The following C1orf87 variants were observed in gnomAD, a reference collection of about 807,000 sequenced individuals.
The protein encoded by C1orf87 is chromosome 1 open reading frame 87, also known as uncharacterized protein C1orf87.
A neutral mutation model predicts 60.5 loss-of-function variants in C1orf87; 58 were observed. That is an observed-to-expected ratio of 0.96 (90% CI 0.78 to 1.19). The LOEUF (loss-of-function observed/expected upper bound fraction) is 1.19, where lower values mean the gene tolerates loss of function less well. C1orf87 is among the 50% of genes most tolerant of loss of function. The pLI, the probability that C1orf87 is intolerant of heterozygous loss-of-function variation, is 0.00. For missense variants in C1orf87, 673 were observed against 638.6 expected (o/e 1.05, Z -0.58); for synonymous variants, 236 against 227.4 (o/e 1.04, Z -0.34).
rs1645321373 is a variant in C1orf87 at position 60,041,093 on chromosome 1, T to C, written c.381A>G (p.Pro127=). Residue 127 remains proline, a synonymous_variant, in exon 4 of 12, where the codon CCA becomes CCG. Coordinates refer to ENST00000371201, the MANE Select transcript of C1orf87 (RefSeq NM_152377.3). ...CATAGGATAAGGACTGGTCTCCGGT[T>C]GGTACAGAGCTGCAGTGGACATTTG... ...SQANVHCSSV[P]TGDQSLSYVH... is the part of the protein sequence containing the mutation. 6.2e-7 allele frequency: 1 copy of C among 1,611,840 alleles called. No homozygotes were observed. Among genetic ancestry groups the C allele is most frequent in the South Asian group, 1.1e-5 (1 of 90,872 alleles).
rs1194915910 is a variant in C1orf87, at chr1:60,046,441, TTC to T, written c.343-5312_343-5311del. On this transcript the variant is annotated intron_variant, in intron 3 of 11. Transcript: ENST00000371201. The stretch of plus-strand genomic sequence containing the variant: ...TCCCTTCCTCCTTCCTTCCTTCTTC[TTC>T]TTTTTTTTTTTTTTTTAATTTTTTC... Among the ~76,000 whole-genome samples, 104 of 71,850 alleles carry T rather than the reference TTC, an allele frequency of 1.4e-3. 1 individual carries two copies. The East Asian group carries it at 0.026, about 18-fold the overall frequency. 47.1% of individuals were successfully genotyped at this position (71,850 alleles called of 152,430 possible).
intron 9 of C1orf87, among the ~76,000 whole-genome samples, chr1:60,008,296 T>G (rs895519062): frequency 1.3e-5 from 2 of 152,094 alleles, no homozygotes; most frequent in African/African-American, 4.8e-5. Context: ...ATTTTAGATA[T>G]GAGAAAAATG....
intron 7 of C1orf87, among the ~76,000 whole-genome samples, chr1:60,028,624 G>A (rs1312173375): frequency 1.3e-5 from 2 of 152,054 alleles, no homozygotes; most frequent in African/African-American, 4.8e-5. Context: ...CTCCTTGAAA[G>A]ATCAGTGCAC....
chr1:60,068,637 CT>C (rs1210870634), intron 2 of C1orf87, among the ~76,000 whole-genome samples: 2 of 152,186 alleles, frequency 1.3e-5, no homozygotes, highest in Admixed American at 6.5e-5. Flanking sequence ...TTATCATTCT[CT>C]TCATTTGGGC....
At chr1:60,012,498 A>T (rs897720146) in intron 8 of C1orf87, among the ~76,000 whole-genome samples, 2 of 152,094 alleles carry the variant, frequency 1.3e-5, no homozygotes, top group African/African-American at 4.8e-5. Context: ...CTTTTCTCCC[A>T]CGTTCTTTAC....
chr1:59,991,223 T>C (rs1309283972), intron 11 of C1orf87, among the ~76,000 whole-genome samples: 2 of 152,198 alleles, frequency 1.3e-5, no homozygotes, highest in South Asian at 2.1e-4. Flanking sequence ...TCCAAACACA[T>C]TCCTAAACAT....
chr1:60,020,495 T>C (rs1645155730), intron 8 of C1orf87, among the ~76,000 whole-genome samples: 1 of 152,218 alleles, frequency 6.6e-6, no homozygotes, highest in Non-Finnish European at 1.5e-5. Context: ...TGCATCAGTG[T>C]GCTCTGGATG....
chr1:60,054,752 T>C (rs1645440612), intron 3 of C1orf87, among the ~76,000 whole-genome samples: 1 of 152,244 alleles, frequency 6.6e-6, no homozygotes, highest in South Asian at 2.1e-4. Flanking sequence ...CAGAGTGCAG[T>C]GGTATATATT....
chr1:60,026,684 A>T (rs567883386), intron 7 of C1orf87, among the ~76,000 whole-genome samples: 2 of 152,314 alleles, frequency 1.3e-5, no homozygotes, highest in Admixed American at 1.3e-4. Flanking sequence ...TAGTAACTAC[A>T]TAAAAAAATG....
chr1:60,041,078 G>A lies in C1orf87; in HGVS notation c.396C>T (p.Ser132=), dbSNP rs756376426. The A allele has an allele frequency of 2.1e-5, 34 of 1,612,784 alleles. No individual in the cohort carries two copies. The highest frequency in any genetic ancestry group is 3.3e-4 in the Middle Eastern group (2 of 6,078). Residue 132 remains serine, a synonymous_variant, in exon 4 of 12, where the codon TCC becomes TCT. Coordinates refer to ENST00000371201, the MANE Select transcript of C1orf87 (RefSeq NM_152377.3). ...HCSSVPTGDQ[S]LSYVHGIPRR... is the part of the protein sequence containing the mutation. ...TGGGAATGCCATGCACATAGGATAAGGACTGGTCTCCGGTTGGTACAGAGC... is the reference window on the plus strand; with the variant it reads ...TGGGAATGCCATGCACATAGGATAAAGACTGGTCTCCGGTTGGTACAGAGC...
At chr1:60,016,478 C>T (rs896680332) in intron 8 of C1orf87, among the ~76,000 whole-genome samples, 2 of 152,188 alleles carry the variant, frequency 1.3e-5, no homozygotes, top group African/African-American at 4.8e-5. Context: ...ATTCTTTCCA[C>T]CTTTCAGTTA....
intron 11 of C1orf87, among the ~76,000 whole-genome samples, chr1:59,991,115 G>A (rs1402536885): frequency 6.6e-6 from 1 of 152,162 alleles, no homozygotes; most frequent in Non-Finnish European, 1.5e-5. Flanking sequence ...GCTTTTCTTT[G>A]TAACTTTAAA....
intron 11 of C1orf87, among the ~76,000 whole-genome samples, chr1:59,994,984 C>T (rs1644953594): frequency 6.6e-6 from 1 of 152,152 alleles, no homozygotes; most frequent in Non-Finnish European, 1.5e-5. Context: ...CCAGATCTGG[C>T]TGACACATTC....
chr1:60,007,631 A>G (rs955098398), intron 9 of C1orf87, among the ~76,000 whole-genome samples: 2 of 152,004 alleles, frequency 1.3e-5, no homozygotes, highest in African/African-American at 2.4e-5. Flanking sequence ...TCCAAGTAAG[A>G]GTCTTCGAAC....
At chr1:60,054,455 T>C (rs1645438164) in intron 3 of C1orf87, among the ~76,000 whole-genome samples, 1 of 152,230 alleles carries the variant, frequency 6.6e-6, no homozygotes, top group Non-Finnish European at 1.5e-5. Context: ...AAACTAAAAA[T>C]AGTTATGTTA....
chr1:60,019,073 T>A (rs1182937212), intron 8 of C1orf87, among the ~76,000 whole-genome samples: 1 of 152,206 alleles, frequency 6.6e-6, no homozygotes, highest in Non-Finnish European at 1.5e-5. Context: ...GTACCTATCA[T>A]GTGCCAATGA....
intron 2 of C1orf87, among the ~76,000 whole-genome samples, chr1:60,061,349 A>G (rs1288477624): frequency 1.1e-4 from 17 of 152,150 alleles, no homozygotes; most frequent in Admixed American, 1.1e-3. Context: ...ACAAAGATTG[A>G]TTGTAATCAA....
intron 7 of C1orf87, among the ~76,000 whole-genome samples, chr1:60,033,126 A>G (rs2100286665): frequency 6.6e-6 from 1 of 152,298 alleles, no homozygotes; most frequent in African/African-American, 2.4e-5. Flanking sequence ...AAGGGTTGGG[A>G]CACCACATGC....
At chr1:60,064,593 A>G (rs1325173909) in intron 2 of C1orf87, among the ~76,000 whole-genome samples, 1 of 110,474 alleles carries the variant, frequency 9.1e-6, no homozygotes, top group Non-Finnish European at 1.7e-5. Context: ...CATATATAAT[A>G]TATATATGTC....
Sources: gnomAD v4.1 joint callset for allele counts (sites outside exome capture counted in the v4.1 genomes callset) on GRCh38, gnomAD v4.1.1 for gene constraint, MANE v1.5 for transcripts, NCBI Gene and HGNC (gene_info 2026-07-23, HGNC 2026-07-21) for gene names.